Variants in SPAG17 observed in about 807,000 individuals in gnomAD.
SPAG17 encodes sperm associated antigen 17, also known as sperm-associated antigen 17.
In SPAG17, 169 loss-of-function variants were observed where a neutral mutation model predicts 273.6. The observed-to-expected ratio is 0.62, with a 90% CI of 0.55 to 0.70. The LOEUF (loss-of-function observed/expected upper bound fraction) is 0.70. Among genes scored for constraint, SPAG17 ranks in the 30% least tolerant of loss-of-function variants. SPAG17 has a pLI of 0.00. For missense variants in SPAG17, 2,557 were observed against 2,627.8 expected (o/e 0.97, Z 0.59); for synonymous variants, 825 against 873.2 (o/e 0.94, Z 0.97).
intron 17 of SPAG17, among the ~76,000 whole-genome samples, chr1:118,073,210 T>C (rs148188846): frequency 2.9e-3 from 438 of 152,186 alleles, no homozygotes; most frequent in African/African-American, 0.01. Flanking sequence ...TTTTGCTGAG[T>C]GGTTAAGAGT....
In SPAG17 at chr1:118,152,316, A is replaced by G. The variant is rs561407829; in HGVS notation, c.88-947T>C. ...GCTCCTCTCTAGAGGTCTGATTCAAATATAGTAAAATGGTCTCCTGGTGAA... is the reference window on the plus strand; with the variant it reads ...GCTCCTCTCTAGAGGTCTGATTCAAGTATAGTAAAATGGTCTCCTGGTGAA... On this transcript the variant is annotated intron_variant, in intron 1 of 48. Transcript: ENST00000336338. Among the ~76,000 whole-genome samples the G allele has an allele frequency of 5.8e-4, 89 of 152,334 alleles. 1 individual carries two copies. The South Asian group carries it at 0.018, about 31-fold the overall frequency.
At chr1:118,039,539 A>C in intron 22 of SPAG17, 95 bp from the exon 23 acceptor site, 4 of 1,300,232 alleles carry the variant, frequency 3.1e-6, no homozygotes, top group Non-Finnish European at 4.4e-6. Flanking sequence ...AGAAACAAAC[A>C]CACGAACAGA....
At chr1:118,032,535 T>A (rs941152764) in intron 24 of SPAG17, among the ~76,000 whole-genome samples, 2 of 151,984 alleles carry the variant, frequency 1.3e-5, no homozygotes, top group Non-Finnish European at 2.9e-5. Context: ...TCATTTTTTT[T>A]CTCAATCTCC....
intron 5 of SPAG17, among the ~76,000 whole-genome samples, chr1:118,100,464 T>C (rs776192117): frequency 2.0e-5 from 3 of 152,174 alleles, no homozygotes; most frequent in Non-Finnish European, 4.4e-5. Context: ...GTAAGAATAA[T>C]TGTTATACTT....
intron 1 of SPAG17, among the ~76,000 whole-genome samples, chr1:118,182,044 C>T (rs1243206820): frequency 6.6e-6 from 1 of 152,046 alleles, no homozygotes; most frequent in African/African-American, 2.4e-5. Flanking sequence ...CAGATTTTAG[C>T]ACACCCACAG....
intron 16 of SPAG17, 123 bp from the exon 17 acceptor site, chr1:118,074,090 A>G: frequency 1.5e-6 from 1 of 651,426 alleles, no homozygotes; most frequent in East Asian, 2.8e-5. Context: ...ATATGTATAA[A>G]TCCATATGGC....
chr1:117,990,093 A>G (rs1656910404), intron 38 of SPAG17, among the ~76,000 whole-genome samples: 1 of 151,932 alleles, frequency 6.6e-6, no homozygotes, highest in Non-Finnish European at 1.5e-5. Context: ...GTTGTGATGG[A>G]CTCCTGTGAT....
chr1:118,066,608 T>C, intron 18 of SPAG17, 137 bp downstream of exon 18: 1 of 638,734 alleles, frequency 1.6e-6, no homozygotes, highest in Non-Finnish European at 2.6e-6. Context: ...CTGAATTGAA[T>C]CTATAGTACT....
chr1:117,961,644 T>C (rs559940102), intron 48 of SPAG17: 55 of 152,332 alleles, frequency 3.6e-4, no homozygotes, highest in African/African-American at 1.3e-3. Context: ...GGCTCAGATA[T>C]GCAGTCCTTG....
chr1:118,074,001 ATTTG>A (rs1308721427), intron 16 of SPAG17, 34 bp from the exon 17 acceptor site: 2 of 1,483,744 alleles, frequency 1.3e-6, no homozygotes, highest in Admixed American at 2.4e-5. Context: ...TTCAGCTTTA[ATTTG>A]TTTAAGTCCA....
chr1:118,011,487 C>A (rs947755512), intron 30 of SPAG17, among the ~76,000 whole-genome samples: 1 of 152,000 alleles, frequency 6.6e-6, no homozygotes, highest in African/African-American at 2.4e-5. Context: ...AACCAAATAC[C>A]GCTTCATCTC....
chr1:118,103,870 T>TGTGTGTGTGTGTGA (rs1405821179), intron 4 of SPAG17, among the ~76,000 whole-genome samples: 5 of 151,198 alleles, frequency 3.3e-5, no homozygotes, highest in African/African-American at 7.3e-5. Context: ...TGTGTGTGTG[T>TGTGTGTGTGTGTGA]GAAGATCCTA....
intron 3 of SPAG17, among the ~76,000 whole-genome samples, chr1:118,145,635 A>C (rs1373007071): frequency 1.3e-5 from 2 of 152,148 alleles, no homozygotes; most frequent in Non-Finnish European, 1.5e-5. Context: ...GGCCCGTAGA[A>C]ATATTTTAAG....
chr1:118,111,554 A>ACACC (rs1491175641), intron 4 of SPAG17, among the ~76,000 whole-genome samples: 1 of 362 alleles, frequency 2.8e-3, no homozygotes, highest in Non-Finnish European at 0.012. Flanking sequence ...TTTTAAAACA[A>ACACC]CACACACACA....
At chr1:118,117,632 A>G (rs1657163488) in intron 3 of SPAG17, among the ~76,000 whole-genome samples, 1 of 152,026 alleles carries the variant, frequency 6.6e-6, no homozygotes, top group South Asian at 2.1e-4. Flanking sequence ...ATACAGACAC[A>G]GAGAGAGAGA....
At chr1:118,166,523 A>G (rs1416716322) in intron 1 of SPAG17, among the ~76,000 whole-genome samples, 1 of 152,174 alleles carries the variant, frequency 6.6e-6, no homozygotes, top group Admixed American at 6.5e-5. Flanking sequence ...ATACAGTAAA[A>G]CTTAAAAGCA....
rs888556091 is a variant in SPAG17, at chr1:117,984,736, G to A, written c.5716C>T (p.Arg1906Cys). The A allele has an allele frequency of 3.8e-5, 61 of 1,611,124 alleles. No individual in the cohort carries two copies. The highest frequency in any genetic ancestry group is 1.6e-4 in the Middle Eastern group (1 of 6,074). Residue 1906 changes from arginine to cysteine, a missense_variant, in exon 41 of 49, where the codon CGC (arginine) becomes TGC (cysteine). Arg to Cys is a radical substitution (Grantham distance 180). Transcript: ENST00000336338. The stretch of plus-strand genomic sequence containing the variant: ...GATTTAAAAAAGGGTGGTATTATGC[G>A]GTTCTTAATATCCATTAGGTAATTC... ...TQNYLMDIKN[R>C]IIPPFFKSEL...
chr1:118,127,820 T>C (rs762189406), intron 3 of SPAG17, among the ~76,000 whole-genome samples: 1 of 152,174 alleles, frequency 6.6e-6, no homozygotes, highest in African/African-American at 2.4e-5. Context: ...GTTCATCTTC[T>C]TGGTTAAATT....
chr1:118,143,273 T>G (rs1311258424), intron 3 of SPAG17, among the ~76,000 whole-genome samples: 1 of 152,236 alleles, frequency 6.6e-6, no homozygotes, highest in African/African-American at 2.4e-5. Context: ...CAACAGTCAC[T>G]TCCAGAATTT....
Sources: gnomAD v4.1 joint callset for allele counts (sites outside exome capture counted in the v4.1 genomes callset) on GRCh38, gnomAD v4.1.1 for gene constraint, MANE v1.5 for transcripts, NCBI Gene and HGNC (gene_info 2026-07-23, HGNC 2026-07-21) for gene names.